The following PCCB variants were observed in gnomAD, a reference collection of about 807,000 sequenced individuals.
PCCB encodes propionyl-CoA carboxylase beta chain, mitochondrial.
A neutral mutation model predicts 60.7 loss-of-function variants in PCCB; 43 were observed. That is an observed-to-expected ratio of 0.71 (90% CI 0.55 to 0.91). The LOEUF (loss-of-function observed/expected upper bound fraction) is 0.91. PCCB is among the 40% of genes least tolerant of loss of function. PCCB has a pLI of 0.00. For synonymous variants in PCCB, 276 were observed against 255.9 expected, an observed-to-expected ratio of 1.08 and a Z score of -0.75; for missense variants, 766 against 702.8, an observed-to-expected ratio of 1.09 and a Z score of -1.02.
In PCCB at chr3:136,264,440, G is replaced by GTGTGTATATATATATATATATATATATA; in HGVS notation, c.543+2376_543+2377insGTGTATATATATATATATATATATATAT. Among the ~76,000 whole-genome samples, 31 of 123,842 alleles carry GTGTGTATATATATATATATATATATATA rather than the reference G, an allele frequency of 2.5e-4. 1 individual carries two copies. In the South Asian group the frequency reaches 3.9e-3, roughly 16 times the overall value. 81.2% of individuals were successfully genotyped at this position (123,842 alleles called of 152,430 possible). A position where few individuals can be genotyped will look rare whatever the true frequency, so the allele number is the denominator to read the frequency against. On this transcript the variant is annotated intron_variant, in intron 5 of 14. Coordinates refer to ENST00000251654, the MANE Select transcript of PCCB (RefSeq NM_000532.5). ...CTGTCTCTCATATATATGTGTGTGT[G>GTGTGTATATATATATATATATATATATA]TATATATGTATATATATATATGTTC... is the stretch of plus-strand genomic sequence containing the variant.
chr3:136,297,593 G>GAAATA (rs1047888785), intron 7 of PCCB, among the ~76,000 whole-genome samples: 1 of 152,170 alleles, frequency 6.6e-6, no homozygotes, highest in Non-Finnish European at 1.5e-5. Flanking sequence ...AGTAAACAGG[G>GAAATA]AAATAGGTGA....
chr3:136,312,156 G>C (rs755492566), intron 9 of PCCB, among the ~76,000 whole-genome samples: 1 of 152,352 alleles, frequency 6.6e-6, no homozygotes, highest in African/African-American at 2.4e-5. Flanking sequence ...ACAGTCACGC[G>C]TTGCGTAACA....
chr3:136,263,253 G>GTT (rs1489595171), intron 5 of PCCB, among the ~76,000 whole-genome samples: 2 of 23,328 alleles, frequency 8.6e-5, no homozygotes, highest in Non-Finnish European at 1.6e-4. Flanking sequence ...GCGCCCAGCT[G>GTT]GTTTTTTTTT....
At chr3:136,293,578 C>A (rs1018673580) in intron 6 of PCCB, among the ~76,000 whole-genome samples, 178 bp from the exon 7 acceptor site, 2 of 152,138 alleles carry the variant, frequency 1.3e-5, no homozygotes, top group African/African-American at 4.8e-5. Context: ...TTAAAAAAGA[C>A]AATAAGGCAG....
At chr3:136,255,471 CT>C (rs1383757249) in intron 1 of PCCB, 2 of 303,706 alleles carry the variant, frequency 6.6e-6, no homozygotes, top group Non-Finnish European at 1.3e-5. Context: ...AGATCCTTCA[CT>C]AAGCCTGCTT....
chr3:136,317,010 A>G lies in PCCB; in HGVS notation c.1036A>G (p.Arg346Gly). 2 of 1,614,054 alleles carry G rather than the reference A, an allele frequency of 1.2e-6. No homozygotes were observed. Among genetic ancestry groups the G allele is most frequent in the Non-Finnish European group, 1.7e-6 (2 of 1,179,990 alleles). Reference protein sequence around the residue: ...YAKNIIVGFARMNGRTVGIVG... With the variant: ...YAKNIIVGFAGMNGRTVGIVG... ...CAAGAACATCATTGTTGGTTTTGCA[A>G]GAATGAATGGGAGGACTGTTGGAAT... Residue 346 changes from arginine to glycine, a missense_variant, in exon 10 of 15, where the codon AGA becomes GGA. By Grantham distance (125) the Arg-to-Gly change is moderately radical (BLOSUM62 -2). Transcript: ENST00000251654.
chr3:136,281,641 T>A (rs1942477762), intron 5 of PCCB, among the ~76,000 whole-genome samples: 2 of 152,146 alleles, frequency 1.3e-5, no homozygotes, highest in South Asian at 4.1e-4. Flanking sequence ...TTTGTTAAAT[T>A]ATTTTTTTCT....
At chr3:136,276,013 C>T (rs1221761939) in intron 5 of PCCB, among the ~76,000 whole-genome samples, 1 of 152,092 alleles carries the variant, frequency 6.6e-6, no homozygotes, top group Non-Finnish European at 1.5e-5. Flanking sequence ...TCAGGTGATC[C>T]ACCTGCCTTG....
At chr3:136,300,408 A>G (rs1463504953) in intron 8 of PCCB, among the ~76,000 whole-genome samples, 1 of 152,152 alleles carries the variant, frequency 6.6e-6, no homozygotes, top group Non-Finnish European at 1.5e-5. Flanking sequence ...GGAGAGGGGC[A>G]AGTTGCTGGG....
intron 5 of PCCB, among the ~76,000 whole-genome samples, chr3:136,268,043 C>A (rs1942054745): frequency 7.7e-6 from 1 of 129,352 alleles, no homozygotes; most frequent in Non-Finnish European, 1.6e-5. Context: ...GCCACCAAAC[C>A]TGGCTAGTGT....
At position 136,259,470 on chromosome 3, in the gene PCCB, G is replaced by A. The variant is rs76931214; in HGVS notation, c.373-1009G>A. Among the ~76,000 whole-genome samples, 3,380 of 152,158 alleles carry A rather than the reference G, an allele frequency of 0.022. 116 individuals carry two copies. Among genetic ancestry groups the A allele is most frequent in the African/African-American group, 0.068 (2,809 of 41,508 alleles). On this transcript the variant is annotated intron_variant, in intron 3 of 14. Coordinates refer to ENST00000251654, the MANE Select transcript of PCCB (RefSeq NM_000532.5). ...ACAGAGCAAGACTTGGTCTCAAAAT[G>A]ATAAGTAAAATAAAACAGTAAATAT...
chr3:136,295,751 C>A (rs1284384575), intron 7 of PCCB, among the ~76,000 whole-genome samples: 4 of 152,148 alleles, frequency 2.6e-5, no homozygotes, highest in African/African-American at 9.7e-5. Context: ...TGGTTATACC[C>A]TTGCAGTCTT....
intron 6 of PCCB, among the ~76,000 whole-genome samples, chr3:136,290,513 T>C (rs1933625065): frequency 6.6e-6 from 1 of 151,668 alleles, no homozygotes; most frequent in African/African-American, 2.4e-5. Flanking sequence ...GTTTTTTGTT[T>C]TTGTTTGTTT....
chr3:136,327,581 G>T, intron 12 of PCCB, 53 bp from the exon 13 acceptor site: 1 of 1,372,018 alleles, frequency 7.3e-7, no homozygotes, highest in South Asian at 1.2e-5. Flanking sequence ...GTCTTTCAGG[G>T]ACATGATCTG....
chr3:136,327,264 C>A lies in PCCB; in HGVS notation c.1299+9C>A, dbSNP rs60968242. On this transcript the variant is annotated intron_variant, in intron 12 of 14. Transcript: ENST00000251654. ...CAGTCATCACCAGGAAGGTGAGGAC[C>A]TCATGTTGGAGGCCATGACCCTGCT... 631 of 1,601,796 alleles carry A rather than the reference C, an allele frequency of 3.9e-4. 7 individuals carry two copies. The African/African-American group carries it at 7.7e-3, about 20-fold the overall frequency.
chr3:136,320,057 G>A lies in PCCB; in HGVS notation c.1090+2993G>A, dbSNP rs140719683. ...ATTCTTAACACTATTCTGTTGGTCT[G>A]TATGTCTGTCCATATTCCAGTGTCA... On this transcript the variant is annotated intron_variant, in intron 10 of 14. Coordinates refer to ENST00000251654, the MANE Select transcript of PCCB (RefSeq NM_000532.5). 5.9e-5 allele frequency among the ~76,000 whole-genome samples: 9 copies of A among 152,318 alleles called. No individual in the cohort carries two copies. In the East Asian group the frequency reaches 1.5e-3, roughly 26 times the overall value.
intron 10 of PCCB, among the ~76,000 whole-genome samples, chr3:136,321,671 G>A (rs1935115333): frequency 1.3e-5 from 2 of 152,146 alleles, no homozygotes; most frequent in Admixed American, 6.5e-5. Context: ...TCAACACATG[G>A]GGATTACAGC....
intron 5 of PCCB, among the ~76,000 whole-genome samples, chr3:136,264,446 A>ATG (rs1199231396): frequency 8.3e-6 from 1 of 120,268 alleles, no homozygotes; most frequent in Non-Finnish European, 1.9e-5. Context: ...GTGTGTATAT[A>ATG]TGTATATATA....
chr3:136,265,759 C>T (rs1045531040), intron 5 of PCCB, among the ~76,000 whole-genome samples: 7 of 151,780 alleles, frequency 4.6e-5, no homozygotes, highest in Admixed American at 3.9e-4. Flanking sequence ...TTTACATTAC[C>T]ATGAGCAATG....
Sources: allele counts gnomAD v4.1 joint callset (sites outside exome capture counted in the v4.1 genomes callset), GRCh38; gene constraint gnomAD v4.1.1; transcripts MANE v1.5; gene names NCBI Gene and HGNC (gene_info 2026-07-23, HGNC 2026-07-21).